Variants in SMC4 observed in about 807,000 individuals in gnomAD.
SMC4 encodes the protein structural maintenance of chromosomes protein 4.
In SMC4, 87 loss-of-function variants were observed where a neutral mutation model predicts 145.6. That is an observed-to-expected ratio of 0.60 (90% confidence interval 0.50 to 0.71). The LOEUF is 0.71. SMC4 is among the 30% of genes least tolerant of loss of function. SMC4 has a pLI of 0.00. For missense variants in SMC4, 1,447 were observed against 1,537.1 expected, an observed-to-expected ratio of 0.94 and a Z score of 0.98; for synonymous variants, 558 against 500.7, an observed-to-expected ratio of 1.11 and a Z score of -1.53.
chr3:160,430,352 A>G (rs1210974569), intron 18 of SMC4, among the ~76,000 whole-genome samples: 2 of 152,226 alleles, frequency 1.3e-5, no homozygotes, highest in Non-Finnish European at 2.9e-5. Context: ...GCATCAGTCT[A>G]AAGTTGAATG....
rs146550714 is a variant in SMC4 at position 160,401,938 on chromosome 3, A to T, written c.163A>T (p.Asn55Tyr). The change falls in exon 3 of 24, where the codon AAT becomes TAT. Residue 55 changes from asparagine (N) to tyrosine (Y), a missense_variant. Asn to Tyr is a moderately radical substitution (Grantham distance 143). Coordinates refer to ENST00000357388, the MANE Select transcript of SMC4 (RefSeq NM_001002800.3). ...AGAGACTGCAAGTGAGGAACTTGATAATAGAAGTTTAGAAGAGATTTTGAA... is the reference window on the plus strand; with the variant it reads ...AGAGACTGCAAGTGAGGAACTTGATTATAGAAGTTTAGAAGAGATTTTGAA... ...AAETASEELD[N>Y]RSLEEILNSI... is the part of the protein sequence containing the mutation. The T allele has an allele frequency of 2.5e-6, 4 of 1,603,316 alleles. No homozygotes were observed. Among genetic ancestry groups the T allele is most frequent in the Non-Finnish European group, 3.4e-6 (4 of 1,175,900 alleles).
At chr3:160,423,863 C>A (rs1229641666) in intron 15 of SMC4, 23 bp downstream of exon 15, 5 of 1,566,720 alleles carry the variant, frequency 3.2e-6, no homozygotes, top group Non-Finnish European at 4.3e-6. Flanking sequence ...AAAATTGTAT[C>A]CAGACTTTTT....
At chr3:160,416,564 T>A (rs907144881) in intron 10 of SMC4, 149 bp downstream of exon 10, 7 of 452,578 alleles carry the variant, frequency 1.5e-5, no homozygotes, top group Non-Finnish European at 2.3e-5. Flanking sequence ...TAGACTTAGA[T>A]GACTATTCTT....
chr3:160,404,534 C>A, intron 5 of SMC4, 30 bp downstream of exon 5: 1 of 1,598,606 alleles, frequency 6.3e-7, no homozygotes, highest in Middle Eastern at 1.7e-4. Context: ...CAAAGATTCT[C>A]TTATTCTTGT....
chr3:160,433,769 C>G lies in SMC4; in HGVS notation c.3827C>G (p.Ala1276Gly). Residue 1276 changes from alanine (A) to glycine (G), a missense_variant, in exon 24 of 24, where the codon GCT (alanine) becomes GGT (glycine). By Grantham distance (60) the Ala-to-Gly change is moderately conservative. Coordinates refer to ENST00000357388, the MANE Select transcript of SMC4 (RefSeq NM_001002800.3). ...YKTYNITKSVAVNPKEIASKG... is the reference protein window; with the variant it reads ...YKTYNITKSVGVNPKEIASKG... Reference sequence around the variant, plus strand: ...ACATACAACATAACAAAAAGTGTTGCTGTAAATCCAAAAGAAATTGCATCT... The same window carrying G: ...ACATACAACATAACAAAAAGTGTTGGTGTAAATCCAAAAGAAATTGCATCT... The G allele has an allele frequency of 6.2e-7, 1 of 1,602,170 alleles. No homozygotes were observed. The highest frequency in any genetic ancestry group is 1.1e-5 in the South Asian group (1 of 87,532).
chr3:160,408,246 T>C (rs1241091768), intron 5 of SMC4, among the ~76,000 whole-genome samples: 1 of 152,184 alleles, frequency 6.6e-6, no homozygotes, highest in African/African-American at 2.4e-5. Flanking sequence ...TTTTCTGTAG[T>C]TGATGCTTGC....
Position 160,423,471 on chromosome 3 carries a change from A to G in SMC4, c.2066A>G (p.Asn689Ser). Residue 689 changes from asparagine (N) to serine (S), a missense_variant, in exon 14 of 24, where the codon AAT becomes AGT. Asn to Ser is a conservative substitution (Grantham distance 46). Coordinates refer to ENST00000357388, the MANE Select transcript of SMC4 (RefSeq NM_001002800.3). ...ATGACCGAAATTCAAACTCCTGAAA[A>G]TACTCCTCGTTTATTTGATTTAGTA... ...KKMTEIQTPE[N>S]TPRLFDLVKV... is the part of the protein sequence containing the mutation. The G allele has an allele frequency of 6.2e-7, 1 of 1,612,220 alleles. No homozygotes were observed. The highest frequency in any genetic ancestry group is 8.5e-7 in the Non-Finnish European group (1 of 1,178,978).
At chr3:160,400,288 A>G (rs1714398930) in intron 1 of SMC4, 1 of 152,428 alleles carries the variant, frequency 6.6e-6, no homozygotes, top group Non-Finnish European at 1.5e-5. Context: ...CCGGGCCGTC[A>G]ACGGCGCCAG....
Position 160,434,907 on chromosome 3 carries a change from AAC to A in SMC4, c.*1102_*1103del, listed in dbSNP as rs1432325607. On this transcript the variant is annotated 3_prime_UTR_variant, in exon 24 of 24. Transcript: ENST00000357388. ...ATCATAATGTAACTGTAAAAATGTA[AAC>A]ACATTATTAGCATGGACTTTTAAAT... is the stretch of plus-strand genomic sequence containing the variant. 1 of 152,214 alleles carries A rather than the reference AAC, an allele frequency of 6.6e-6. No homozygotes were observed. The highest frequency in any genetic ancestry group is 1.9e-4 in the East Asian group (1 of 5,198). 9.4% of individuals were successfully genotyped at this position (152,214 alleles called of 1,614,324 possible). A position where few individuals can be genotyped will look rare whatever the true frequency, so the allele number is the denominator to read the frequency against.
At chr3:160,417,536 CTA>C (rs1300078405) in intron 10 of SMC4, 185 bp from the exon 11 acceptor site, 8 of 584,606 alleles carry the variant, frequency 1.4e-5, no homozygotes, top group Admixed American at 1.2e-4. Context: ...TGGGAAAAGA[CTA>C]TGTACAGTGA....
rs75113798 is a variant in SMC4, at chr3:160,431,223, T to A, written c.3114+18T>A. 975 of 1,549,566 alleles carry A rather than the reference T, an allele frequency of 6.3e-4. 3 individuals are homozygous for A. The African/African-American group carries it at 0.012, about 19-fold the overall frequency. ...ACAAAGAGGTGAGATTGTTACCGTT[T>A]AGTTTAATTTTAAACATATTCTTTA... On this transcript the variant is annotated intron_variant, in intron 20 of 23. Coordinates refer to ENST00000357388, the MANE Select transcript of SMC4 (RefSeq NM_001002800.3).
rs755032323 is a variant in SMC4, at chr3:160,414,496, A to C, written c.1251A>C (p.Gln417His). The C allele has an allele frequency of 6.2e-7, 1 of 1,611,300 alleles. No homozygotes were observed. Among genetic ancestry groups the C allele is most frequent in the South Asian group, 1.1e-5 (1 of 90,514 alleles). Reference sequence around the variant, plus strand: ...GTAAAGCCAAAAAACTGGAGAAACAACTTCAAAAAGATAAAGAAAAGGTAG... The same window carrying C: ...GTAAAGCCAAAAAACTGGAGAAACACCTTCAAAAAGATAAAGAAAAGGTAG... ...ATSKAKKLEK[Q>H]LQKDKEKVEE... Residue 417 changes from glutamine to histidine, a missense_variant, in exon 9 of 24, where the codon CAA becomes CAC. Physicochemically the swap from Gln to His is conservative, Grantham distance 24. Coordinates refer to ENST00000357388, the MANE Select transcript of SMC4 (RefSeq NM_001002800.3).
intron 13 of SMC4, 28 bp downstream of exon 13, chr3:160,420,929 A>G: frequency 6.4e-7 from 1 of 1,571,298 alleles, no homozygotes; most frequent in South Asian, 1.2e-5. Context: ...CCTACCTATA[A>G]TTGGAATTTT....
In SMC4 at chr3:160,426,234, AAAAAAAACAGGTTTTT is replaced by A. The variant is rs779305508; in HGVS notation, c.2605+38_2605+53del. On this transcript the variant is annotated intron_variant, in intron 17 of 23. Transcript: ENST00000357388. ...AGAGATAGACCTTTTTTGGGGGGAA[AAAAAAAACAGGTTTTT>A]AAAGCTTGCAATATTTAAGAAGCAG... 1,233 of 1,527,924 alleles carry A rather than the reference AAAAAAAACAGGTTTTT, an allele frequency of 8.1e-4. 9 individuals carry two copies. In the African/African-American group the frequency reaches 0.015, roughly 19 times the overall value. The allele number at this position is 1,527,924 out of a possible 1,614,324, so 94.6% of individuals were successfully genotyped here.
rs376919589 is a variant in SMC4 at position 160,428,985 on chromosome 3, C to T, written c.2795+43C>T. 4 of 1,456,292 alleles carry T rather than the reference C, an allele frequency of 2.7e-6. No individual in the cohort carries two copies. In the African/African-American group the frequency reaches 5.8e-5, roughly 21 times the overall value. The allele number at this position is 1,456,292 out of a possible 1,614,324, so 90.2% of individuals were successfully genotyped here. A position where few individuals can be genotyped will look rare whatever the true frequency, so the allele number is the denominator to read the frequency against. On this transcript the variant is annotated intron_variant, in intron 18 of 23. Coordinates refer to ENST00000357388, the MANE Select transcript of SMC4 (RefSeq NM_001002800.3). ...CCCTAACTTGTTTTCCCTTTCCCTGCCTTCACATTGGAAAGGGGGTTACTA... is the reference window on the plus strand; with the variant it reads ...CCCTAACTTGTTTTCCCTTTCCCTGTCTTCACATTGGAAAGGGGGTTACTA...
chr3:160,418,255 G>GA (rs1716793459), intron 11 of SMC4, among the ~76,000 whole-genome samples: 1 of 152,054 alleles, frequency 6.6e-6, no homozygotes, highest in African/African-American at 2.4e-5. Flanking sequence ...ACAATTTAAA[G>GA]ATAAATAAAA....
intron 17 of SMC4, among the ~76,000 whole-genome samples, chr3:160,427,876 C>G (rs1377428698): frequency 1.3e-5 from 2 of 152,190 alleles, no homozygotes; most frequent in African/African-American, 4.8e-5. Context: ...CACTTGAGAT[C>G]AGGAGTTTGA....
At position 160,412,141 on chromosome 3, in the gene SMC4, A is replaced by C. The variant is rs1246803649; in HGVS notation, c.852+57A>C. 10 of 1,555,330 alleles carry C rather than the reference A, an allele frequency of 6.4e-6. No homozygotes were observed. The Admixed American group carries it at 7.7e-5, about 12-fold the overall frequency. ...AGAATGTTTCATTTATGATCTAACA[A>C]ATTTTAGTAAGTCAGATATTCATGT... On this transcript the variant is annotated intron_variant, in intron 6 of 23. Transcript: ENST00000357388.
chr3:160,404,520 A>T lies in SMC4; in HGVS notation c.687+16A>T. ...AATTTTACAGGTAAGTTTATTAAAG[A>T]CTTCAAAGATTCTCTTATTCTTGTT... On this transcript the variant is annotated intron_variant, in intron 5 of 23. Transcript: ENST00000357388. The T allele has an allele frequency of 6.2e-7, 1 of 1,601,612 alleles. No homozygotes were observed. Among genetic ancestry groups the T allele is most frequent in the South Asian group, 1.1e-5 (1 of 88,902 alleles).
Sources: allele counts gnomAD v4.1 joint callset (sites outside exome capture counted in the v4.1 genomes callset), GRCh38; gene constraint gnomAD v4.1.1; transcripts MANE v1.5; gene names NCBI Gene and HGNC (gene_info 2026-07-23, HGNC 2026-07-21).